MGAT4C: variants seen among roughly 807,000 people sequenced by gnomAD.
The protein encoded by MGAT4C is alpha-1,3-mannosyl-glycoprotein 4-beta-N-acetylglucosaminyltransferase C.
MGAT4C carries 19 observed loss-of-function variants against 40.1 expected under a neutral mutation model. That is an observed-to-expected ratio of 0.47 (90% CI 0.33 to 0.70). The LOEUF (loss-of-function observed/expected upper bound fraction) is 0.70. Ranked by LOEUF, MGAT4C falls within the 30% of genes least tolerant of loss-of-function variation. The pLI is 0.02. For synonymous variants in MGAT4C, 181 were observed against 187.1 expected, an observed-to-expected ratio of 0.97 and a Z score of 0.27; for missense variants, 491 against 563.2, an observed-to-expected ratio of 0.87 and a Z score of 1.30.
intron 2 of MGAT4C, among the ~76,000 whole-genome samples, chr12:86,442,590 A>G (rs919585810): frequency 1.3e-5 from 2 of 152,080 alleles, no homozygotes; most frequent in Non-Finnish European, 2.9e-5. Context: ...AGCACCATTT[A>G]TTAAATAGGG....
At chr12:86,824,576 T>C (rs1016059406) in intron 1 of MGAT4C, among the ~76,000 whole-genome samples, 1 of 151,080 alleles carries the variant, frequency 6.6e-6, no homozygotes, top group Non-Finnish European at 1.5e-5. Context: ...ATGGAACTAC[T>C]GTAATCCAAA....
rs192141572 is a variant in MGAT4C, at chr12:86,398,451, C to A, written c.-120+36706G>T. On this transcript the variant is annotated intron_variant, in intron 3 of 7. Transcript: ENST00000548651. Reference sequence around the variant, plus strand: ...CATCTAAGGTAACATTTACAAATTACAGAGATAAGAACTTGATCATATACT... The same window carrying A: ...CATCTAAGGTAACATTTACAAATTAAAGAGATAAGAACTTGATCATATACT... 3.2e-4 allele frequency among the ~76,000 whole-genome samples: 48 copies of A among 150,786 alleles called. No homozygotes were observed. The East Asian group carries it at 7.4e-3, about 23-fold the overall frequency.
At chr12:86,132,417 C>T (rs1881324895) in intron 1 of MGAT4C, among the ~76,000 whole-genome samples, 2 of 151,940 alleles carry the variant, frequency 1.3e-5, no homozygotes, top group Non-Finnish European at 2.9e-5. Flanking sequence ...ATAATTCTTC[C>T]TTTCATCACT....
chr12:86,228,852 T>C (rs1454109233), intron 1 of MGAT4C, among the ~76,000 whole-genome samples: 1 of 151,878 alleles, frequency 6.6e-6, no homozygotes, highest in Non-Finnish European at 1.5e-5. Flanking sequence ...ACTAAACAAA[T>C]ACAGCCTGTC....
At position 85,975,042 on chromosome 12, in the gene MGAT4C, A is replaced by G. The variant is rs546148960; in HGVS notation, c.*4247T>C. On this transcript the variant is annotated 3_prime_UTR_variant, in exon 5 of 5. Transcript: ENST00000611864. ...TGACTTTATGTTTCTTTGTTTTTCAATGTAAATGGATCAAGATTTCTTAAA... is the reference window on the plus strand; with the variant it reads ...TGACTTTATGTTTCTTTGTTTTTCAGTGTAAATGGATCAAGATTTCTTAAA... The G allele has an allele frequency of 6.6e-6, 1 of 150,886 alleles. No homozygotes were observed. The highest frequency in any genetic ancestry group is 1.5e-5 in the Non-Finnish European group (1 of 67,092). The allele number at this position is 150,886 out of a possible 1,614,324, so 9.3% of individuals were successfully genotyped here.
chr12:86,423,985 C>G (rs1397394778), intron 3 of MGAT4C, among the ~76,000 whole-genome samples: 6 of 152,148 alleles, frequency 3.9e-5, no homozygotes, highest in Non-Finnish European at 8.8e-5. Context: ...TTAGAAATAT[C>G]TGCAAAACTA....
rs529014968 is a variant in MGAT4C at position 86,699,535 on chromosome 12, G to A, written c.-229+27674C>T. ...AGATTGTGTGTGTTTGTGTGTGCACGCGCATGAGATTGACCCTTGAACAAC... is the reference window on the plus strand; with the variant it reads ...AGATTGTGTGTGTTTGTGTGTGCACACGCATGAGATTGACCCTTGAACAAC... On this transcript the variant is annotated intron_variant, in intron 2 of 7. Coordinates refer to the MGAT4C transcript ENST00000548651. Among the ~76,000 whole-genome samples, 119 of 152,098 alleles carry A rather than the reference G, an allele frequency of 7.8e-4. 1 individual carries two copies. Among genetic ancestry groups the A allele is most frequent in the Non-Finnish European group, 1.2e-3 (84 of 67,984 alleles).
intron 1 of MGAT4C, among the ~76,000 whole-genome samples, chr12:86,799,821 A>G (rs1430762097): frequency 1.3e-5 from 2 of 151,812 alleles, no homozygotes; most frequent in East Asian, 3.9e-4. Flanking sequence ...AATGGAGAGG[A>G]CTATATATTG....
At chr12:86,344,750 G>A (rs911381485) in intron 3 of MGAT4C, among the ~76,000 whole-genome samples, 26 of 120,996 alleles carry the variant, frequency 2.1e-4, no homozygotes, top group African/African-American at 6.3e-4. Flanking sequence ...GTGTGTGTGT[G>A]TGTGTATGTG....
In MGAT4C at chr12:85,979,742, A is replaced by G. The variant is rs1435251508; in HGVS notation, c.984T>C (p.Asp328=). 6.2e-7 allele frequency: 1 copy of G among 1,613,438 alleles called. No individual in the cohort carries two copies. The highest frequency in any genetic ancestry group is 1.3e-5 in the African/African-American group (1 of 74,884). Residue 328 remains aspartate (D), a synonymous_variant, in exon 5 of 5, where the codon GAT becomes GAC. Transcript: ENST00000611864. ...TGTCAAATGACTCCTCTTCAAAATC[A>G]TCATCCTTCAGCTTATTCTCCGTCC... ...YKGTENKLKD[D]DFEEESFDIP...
At chr12:86,821,042 G>A (rs1462149649) in intron 1 of MGAT4C, among the ~76,000 whole-genome samples, 3 of 150,898 alleles carry the variant, frequency 2.0e-5, no homozygotes, top group African/African-American at 7.3e-5. Context: ...TTTAAGGTGT[G>A]TAATCTCTTT....
At chr12:86,405,961 T>A (rs1446579245) in intron 3 of MGAT4C, among the ~76,000 whole-genome samples, 1 of 4,762 alleles carries the variant, frequency 2.1e-4, no homozygotes, top group Non-Finnish European at 3.6e-4. Context: ...TATGTATTTA[T>A]ATTATACATA....
chr12:86,349,305 AT>A (rs1566309881), intron 3 of MGAT4C, among the ~76,000 whole-genome samples: 1 of 152,138 alleles, frequency 6.6e-6, no homozygotes, highest in Non-Finnish European at 1.5e-5. Flanking sequence ...TTTTAATCCC[AT>A]AAGGGGTGGA....
chr12:86,106,970 C>G (rs1236256562), intron 1 of MGAT4C, among the ~76,000 whole-genome samples: 1 of 152,092 alleles, frequency 6.6e-6, no homozygotes, highest in Non-Finnish European at 1.5e-5. Flanking sequence ...CTTCTCCAGA[C>G]AGTGGCCTGA....
chr12:86,231,542 A>G, intron 1 of MGAT4C, among the ~76,000 whole-genome samples: 1 of 152,214 alleles, frequency 6.6e-6, no homozygotes, highest in East Asian at 1.9e-4. Flanking sequence ...CACAATCTAA[A>G]TGTTAATAAA....
chr12:86,061,195 C>T (rs1320532777), intron 1 of MGAT4C, among the ~76,000 whole-genome samples: 1 of 152,140 alleles, frequency 6.6e-6, no homozygotes. Flanking sequence ...ACAGTGGGTG[C>T]AGCCCAAGGA....
chr12:86,327,556 T>C (rs1954555562), intron 4 of MGAT4C, among the ~76,000 whole-genome samples: 2 of 151,976 alleles, frequency 1.3e-5, no homozygotes, highest in Non-Finnish European at 2.9e-5. Flanking sequence ...TCTACTGTAG[T>C]GGAATTGAAA....
chr12:86,257,398 T>A (rs1410843436), upstream of MGAT4C, among the ~76,000 whole-genome samples: 1 of 152,218 alleles, frequency 6.6e-6, no homozygotes, highest in Admixed American at 6.5e-5. Flanking sequence ...AGCTATTCAA[T>A]GACCAGTTCC....
At chr12:86,313,929 A>G (rs776816928) in intron 4 of MGAT4C, among the ~76,000 whole-genome samples, 14 of 152,214 alleles carry the variant, frequency 9.2e-5, no homozygotes, top group Non-Finnish European at 1.3e-4. Context: ...ATAGGGACCT[A>G]AGTAGTAGTT....
Sources: gnomAD v4.1 joint callset for allele counts (sites outside exome capture counted in the v4.1 genomes callset) on GRCh38, gnomAD v4.1.1 for gene constraint, MANE v1.5 for transcripts, NCBI Gene and HGNC (gene_info 2026-07-23, HGNC 2026-07-21) for gene names.